The following KCNK13 variants were observed in gnomAD, a reference collection of about 807,000 sequenced individuals.
KCNK13 encodes potassium channel subfamily K member 13.
KCNK13 carries 12 observed loss-of-function variants against 23.4 expected under a neutral mutation model. The ratio of observed to expected loss-of-function variants is 0.51; its 90% confidence interval spans 0.33 to 0.83. The LOEUF (loss-of-function observed/expected upper bound fraction) is 0.83. Among genes scored for constraint, KCNK13 ranks in the 40% least tolerant of loss-of-function variants. KCNK13 has a pLI of 0.02. For missense variants in KCNK13, 463 were observed against 556.3 expected (o/e 0.83, Z 1.69); for synonymous variants, 231 against 229.5 (o/e 1.01, Z -0.06).
intron 1 of KCNK13, among the ~76,000 whole-genome samples, chr14:90,158,262 C>T (rs2140437180): frequency 6.6e-6 from 1 of 152,350 alleles, no homozygotes; most frequent in South Asian, 2.1e-4. Flanking sequence ...CCTGACAAGA[C>T]ATGGCCCCAG....
At chr14:90,133,084 C>G (rs1267169329) in intron 1 of KCNK13, among the ~76,000 whole-genome samples, 1 of 152,158 alleles carries the variant, frequency 6.6e-6, no homozygotes, top group Non-Finnish European at 1.5e-5. Flanking sequence ...CTTGGCTCCG[C>G]AAAGAGATGT....
intron 1 of KCNK13, among the ~76,000 whole-genome samples, chr14:90,069,159 C>T (rs1442186042): frequency 1.3e-5 from 2 of 150,614 alleles, no homozygotes; most frequent in Non-Finnish European, 2.9e-5. Flanking sequence ...GCCTCAGCCT[C>T]CTGAGTAGCT....
intron 1 of KCNK13, among the ~76,000 whole-genome samples, chr14:90,110,736 C>T (rs986436188): frequency 2.0e-5 from 3 of 151,956 alleles, no homozygotes; most frequent in South Asian, 4.2e-4. Flanking sequence ...TGGCCAAGTG[C>T]GGTGGCTCAC....
At chr14:90,087,019 A>G (rs1234173871) in intron 1 of KCNK13, among the ~76,000 whole-genome samples, 1 of 151,212 alleles carries the variant, frequency 6.6e-6, no homozygotes, top group Non-Finnish European at 1.5e-5. Context: ...CCTCCACCTG[A>G]TAGTCAGGGC....
intron 1 of KCNK13, among the ~76,000 whole-genome samples, chr14:90,175,557 C>T (rs1379355711): frequency 3.9e-5 from 6 of 152,132 alleles, no homozygotes; most frequent in Non-Finnish European, 2.9e-5. Context: ...CCTTTAAGTC[C>T]CTCACACCTA....
chr14:90,153,218 A>G (rs1183449766), intron 1 of KCNK13, among the ~76,000 whole-genome samples: 1 of 152,146 alleles, frequency 6.6e-6, no homozygotes, highest in Non-Finnish European at 1.5e-5. Context: ...AGAATTAGGT[A>G]TTCCTCCCAC....
chr14:90,144,845 G>A (rs972455654), intron 1 of KCNK13, among the ~76,000 whole-genome samples: 1 of 152,120 alleles, frequency 6.6e-6, no homozygotes. Flanking sequence ...AATAGAAATG[G>A]TGAGAGTGGA....
chr14:90,159,812 C>T (rs1310328017), intron 1 of KCNK13, among the ~76,000 whole-genome samples: 1 of 152,192 alleles, frequency 6.6e-6, no homozygotes, highest in Non-Finnish European at 1.5e-5. Context: ...AATGACCCCA[C>T]ATTGCTGGGG....
chr14:90,106,573 T>C lies in KCNK13; in HGVS notation c.334+44034T>C, dbSNP rs150713632. Among the ~76,000 whole-genome samples the C allele has an allele frequency of 1.4e-4, 21 of 151,516 alleles. No individual in the cohort carries two copies. The East Asian group carries it at 4.1e-3, about 29-fold the overall frequency. ...CTGGGTGACAGAGTGAGACTATGTCTTCAAAAAAAAAAATTTATGATACTA... is the reference window on the plus strand; with the variant it reads ...CTGGGTGACAGAGTGAGACTATGTCCTCAAAAAAAAAAATTTATGATACTA... On this transcript the variant is annotated intron_variant, in intron 1 of 1. Coordinates refer to ENST00000282146, the MANE Select transcript of KCNK13 (RefSeq NM_022054.4).
At chr14:90,106,682 A>T (rs1350350491) in intron 1 of KCNK13, among the ~76,000 whole-genome samples, 1 of 152,176 alleles carries the variant, frequency 6.6e-6, no homozygotes. Context: ...GAAAGACATT[A>T]TACTGCCCTA....
chr14:90,150,384 C>T (rs994677395), intron 1 of KCNK13, among the ~76,000 whole-genome samples: 3 of 151,976 alleles, frequency 2.0e-5, no homozygotes, highest in Non-Finnish European at 2.9e-5. Flanking sequence ...GAGGCTAAGG[C>T]GAAGGACTGT....
chr14:90,111,669 G>A (rs12589534), intron 1 of KCNK13, among the ~76,000 whole-genome samples: 18,682 of 152,090 alleles, frequency 0.12, 1,369 homozygotes, highest in East Asian at 0.23. Context: ...GAGCCCTTTC[G>A]TCTCTAGATG....
At chr14:90,098,269 T>A (rs1013480369) in intron 1 of KCNK13, among the ~76,000 whole-genome samples, 3 of 152,256 alleles carry the variant, frequency 2.0e-5, no homozygotes, top group Non-Finnish European at 4.4e-5. Flanking sequence ...ATTATTTATT[T>A]CCATTTTTGT....
In KCNK13 at chr14:90,184,250, G is replaced by T; in HGVS notation, c.474G>T (p.Lys158Asn). ...RLITIIAYIMKSCHQRQLRRR... is the reference protein window; with the variant it reads ...RLITIIAYIMNSCHQRQLRRR... ...TCACCATCATCGCCTACATCATGAAGTCGTGCCACCAGCGGCAGCTCCGGA... is the reference window on the plus strand; with the variant it reads ...TCACCATCATCGCCTACATCATGAATTCGTGCCACCAGCGGCAGCTCCGGA... The change falls in exon 2 of 2, where the codon AAG becomes AAT. Residue 158 changes from lysine (K) to asparagine (N), a missense_variant. Physicochemically the swap from Lys to Asn is moderately conservative, Grantham distance 94. Transcript: ENST00000282146. This position sits in a 1 kb window ranked among gnomAD's most constrained non-coding sequence, Gnocchi z 5.6. 2 of 1,614,242 alleles carry T rather than the reference G, an allele frequency of 1.2e-6. No individual in the cohort carries two copies. Among genetic ancestry groups the T allele is most frequent in the Non-Finnish European group, 8.5e-7 (1 of 1,180,050 alleles).
chr14:90,147,059 T>C (rs1890081032), intron 1 of KCNK13, among the ~76,000 whole-genome samples: 1 of 152,208 alleles, frequency 6.6e-6, no homozygotes, highest in African/African-American at 2.4e-5. Context: ...ATTATGCCAC[T>C]TCACATATAA....
chr14:90,161,916 C>A (rs1170566658), intron 1 of KCNK13, among the ~76,000 whole-genome samples: 2 of 152,194 alleles, frequency 1.3e-5, no homozygotes, highest in African/African-American at 2.4e-5. Flanking sequence ...TGGTGGCTCA[C>A]ACCTGGAATC....
chr14:90,067,512 A>G (rs1422020647), intron 1 of KCNK13, among the ~76,000 whole-genome samples: 2 of 152,224 alleles, frequency 1.3e-5, no homozygotes, highest in Non-Finnish European at 2.9e-5. Context: ...GATACTGAAA[A>G]CATTTTGGGT....
At chr14:90,070,294 G>A (rs941205095) in intron 1 of KCNK13, among the ~76,000 whole-genome samples, 2 of 152,090 alleles carry the variant, frequency 1.3e-5, no homozygotes, top group African/African-American at 4.8e-5. Flanking sequence ...TTGTAATTAG[G>A]CAAAAATGAA....
chr14:90,073,246 C>G (rs1889096737), intron 1 of KCNK13, among the ~76,000 whole-genome samples: 1 of 152,106 alleles, frequency 6.6e-6, no homozygotes, highest in Admixed American at 6.5e-5. Context: ...TCAGGGGAGG[C>G]TGATGATGTC....
Sources: gnomAD v4.1 joint callset for allele counts (sites outside exome capture counted in the v4.1 genomes callset) on GRCh38, gnomAD v4.1.1 for gene constraint, Gnocchi (gnomAD v3.1) non-coding constraint, MANE v1.5 for transcripts, NCBI Gene and HGNC (gene_info 2026-07-23, HGNC 2026-07-21) for gene names.